GALNT13: variants seen among roughly 807,000 people sequenced by gnomAD.
GALNT13 encodes UDP-GalNAc:polypeptide N-acetylgalactosaminyltransferase 13.
Under a neutral mutation model 64.2 loss-of-function variants are expected in GALNT13, and 28 were observed. That is an observed-to-expected ratio of 0.44 (90% confidence interval 0.32 to 0.60). The LOEUF (loss-of-function observed/expected upper bound fraction) is 0.60, where lower values mean the gene tolerates loss of function less well. Ranked by LOEUF, GALNT13 falls within the 20% of genes least tolerant of loss-of-function variation. GALNT13 has a pLI of 0.05. For synonymous variants in GALNT13, 214 were observed against 224.6 expected (o/e 0.95, Z 0.42); for missense variants, 577 against 669.8 (o/e 0.86, Z 1.53).
intron 3 of GALNT13, among the ~76,000 whole-genome samples, chr2:153,960,754 T>G (rs1240449770): frequency 1.3e-5 from 2 of 152,192 alleles, no homozygotes; most frequent in Non-Finnish European, 2.9e-5. Context: ...GTCCGAGGCC[T>G]GCCTCTGTAG....
At chr2:153,637,941 A>G in the GALNT13 span, among the ~76,000 whole-genome samples, 52,155 of 151,134 alleles carry the variant, frequency 0.35, 9,449 homozygotes, top group East Asian at 0.57. Flanking sequence ...AGTACCAGGC[A>G]TGGAAAATAG....
the GALNT13 span, among the ~76,000 whole-genome samples, chr2:153,630,835 A>C: frequency 1.1e-5 from 1 of 88,814 alleles, no homozygotes; most frequent in African/African-American, 4.7e-5. Context: ...ATTATACTTT[A>C]AGTTCTAGGG....
At chr2:153,251,562 T>C in the GALNT13 span, among the ~76,000 whole-genome samples, 97 of 152,146 alleles carry the variant, frequency 6.4e-4, no homozygotes, top group Admixed American at 2.0e-3. Flanking sequence ...GCTGGTGCGC[T>C]GCACCCACTG....
At chr2:153,240,805 G>T in the GALNT13 span, among the ~76,000 whole-genome samples, 1 of 151,996 alleles carries the variant, frequency 6.6e-6, no homozygotes, top group Admixed American at 6.6e-5. Context: ...AGTATCCTAG[G>T]TGCTGCCAAT....
chr2:154,282,293 C>T (rs1692003175), intron 8 of GALNT13, among the ~76,000 whole-genome samples: 1 of 152,086 alleles, frequency 6.6e-6, no homozygotes, highest in South Asian at 2.1e-4. Context: ...ACATTTATTG[C>T]CTCATAATAA....
chr2:154,030,394 A>G (rs979430921), intron 3 of GALNT13, among the ~76,000 whole-genome samples: 2 of 152,056 alleles, frequency 1.3e-5, no homozygotes, highest in Non-Finnish European at 2.9e-5. Flanking sequence ...AAAGAAAACA[A>G]CTCTCAACTC....
chr2:154,266,682 T>G (rs145560023), intron 8 of GALNT13, among the ~76,000 whole-genome samples: 189 of 151,970 alleles, frequency 1.2e-3, no homozygotes, highest in African/African-American at 4.4e-3. Context: ...CAATTCTCCC[T>G]CAGATCAATA....
intron 3 of GALNT13, among the ~76,000 whole-genome samples, chr2:154,002,418 C>T (rs961917127): frequency 1.3e-5 from 2 of 151,764 alleles, no homozygotes; most frequent in African/African-American, 4.8e-5. Context: ...CACTGATTCT[C>T]TTCTCTTTTG....
the GALNT13 span, among the ~76,000 whole-genome samples, chr2:153,124,567 G>A: frequency 3.9e-5 from 6 of 152,176 alleles, no homozygotes; most frequent in East Asian, 1.9e-4. Context: ...GTGCAGTGGC[G>A]CAATCTCAGC....
At chr2:154,407,591 A>G (rs939899810) in intron 10 of GALNT13, among the ~76,000 whole-genome samples, 5 of 23,848 alleles carry the variant, frequency 2.1e-4, no homozygotes, top group African/African-American at 6.6e-4. Flanking sequence ...TTTCAGCCCT[A>G]TATGAACAGG....
chr2:153,520,861 C>T, the GALNT13 span, among the ~76,000 whole-genome samples: 1 of 152,032 alleles, frequency 6.6e-6, no homozygotes, highest in Non-Finnish European at 1.5e-5. Context: ...ACAGAAGAGA[C>T]CATGAGATAT....
the GALNT13 span, among the ~76,000 whole-genome samples, chr2:153,162,010 T>C: frequency 1.3e-5 from 2 of 152,228 alleles, no homozygotes; most frequent in East Asian, 3.9e-4. Context: ...GATGAGTGGT[T>C]TGTAGTTGGT....
Position 153,942,185 on chromosome 2 carries a change from G to T in GALNT13, c.-104-2209G>T, listed in dbSNP as rs374133808. Among the ~76,000 whole-genome samples the T allele has an allele frequency of 1.3e-4, 20 of 152,098 alleles. No individual in the cohort carries two copies. In the East Asian group the frequency reaches 2.7e-3, roughly 21 times the overall value. ...TCTTGATTAAGCCTCACAATATTTT[G>T]TGAGATTGATGGGGCAGGAAATATG... On this transcript the variant is annotated intron_variant, in intron 2 of 12. Coordinates refer to ENST00000392825, the MANE Select transcript of GALNT13 (RefSeq NM_052917.4).
the GALNT13 span, among the ~76,000 whole-genome samples, chr2:153,530,331 A>G: frequency 6.6e-6 from 1 of 152,136 alleles, no homozygotes; most frequent in Non-Finnish European, 1.5e-5. Flanking sequence ...AAAAATATCT[A>G]TAATGAAAAC....
intron 9 of GALNT13, among the ~76,000 whole-genome samples, chr2:154,332,007 G>A (rs937711028): frequency 2.6e-5 from 4 of 152,030 alleles, no homozygotes; most frequent in African/African-American, 9.7e-5. Flanking sequence ...TCTATTTCAG[G>A]CTTTAATGCT....
intron 9 of GALNT13, 142 bp downstream of exon 9, chr2:154,301,731 AGTTGTACTAT>A: frequency 1.8e-6 from 1 of 561,472 alleles, no homozygotes; most frequent in Non-Finnish European, 3.1e-6. Context: ...CATATGAGAA[AGTTGTACTAT>A]GAAGTAAATT....
chr2:153,280,072 A>C, the GALNT13 span, among the ~76,000 whole-genome samples: 1 of 152,068 alleles, frequency 6.6e-6, no homozygotes, highest in African/African-American at 2.4e-5. Context: ...TAGGATTTGA[A>C]TTTATTCCTG....
chr2:153,224,189 T>G, the GALNT13 span, among the ~76,000 whole-genome samples: 1 of 152,048 alleles, frequency 6.6e-6, no homozygotes, highest in Non-Finnish European at 1.5e-5. Context: ...TGGAGGCCAT[T>G]ATCATAGGTG....
chr2:154,162,148 A>C (rs1194049209), intron 4 of GALNT13, among the ~76,000 whole-genome samples: 2 of 152,178 alleles, frequency 1.3e-5, no homozygotes, highest in Admixed American at 6.5e-5. Flanking sequence ...ACTCTATATC[A>C]GAAATAAACA....
Sources: allele counts gnomAD v4.1 joint callset (sites outside exome capture counted in the v4.1 genomes callset), GRCh38; gene constraint gnomAD v4.1.1; transcripts MANE v1.5; gene names NCBI Gene and HGNC (gene_info 2026-07-23, HGNC 2026-07-21).